Variants in SAP130 observed in about 807,000 individuals in gnomAD.
SAP130 encodes Sin3A associated protein 130.
In SAP130, 16 loss-of-function variants were observed where a neutral mutation model predicts 103.2. The observed-to-expected ratio is 0.16, with a 90% CI of 0.10 to 0.24. The LOEUF (loss-of-function observed/expected upper bound fraction) is 0.24, where lower values mean the gene tolerates loss of function less well. SAP130 is among the 10% of genes least tolerant of loss of function. The pLI is 1.00. For synonymous variants in SAP130, 477 were observed against 497.0 expected, an observed-to-expected ratio of 0.96 and a Z score of 0.53; for missense variants, 990 against 1,359.7, an observed-to-expected ratio of 0.73 and a Z score of 4.28.
intron 12 of SAP130, among the ~76,000 whole-genome samples, chr2:127,990,871 A>C (rs1284983867): frequency 6.7e-6 from 1 of 149,074 alleles, no homozygotes; most frequent in Non-Finnish European, 1.5e-5. Flanking sequence ...GAACTCAGGA[A>C]TTTGAGGAGG....
intron 11 of SAP130, among the ~76,000 whole-genome samples, 172 bp from the exon 12 acceptor site, chr2:127,993,480 T>TAAAAAA (rs369115205): frequency 7.1e-6 from 1 of 140,412 alleles, no homozygotes. Context: ...AATGCAAAAT[T>TAAAAAA]AAAAAAAAAA....
intron 18 of SAP130, among the ~76,000 whole-genome samples, chr2:127,947,764 C>CTGTGTGTGTGAGTG (rs147211610): frequency 0.11 from 16,219 of 143,086 alleles, 1,137 homozygotes; most frequent in Middle Eastern, 0.15. Context: ...TTGTGTGTGT[C>CTGTGTGTGTGAGTG]TGTGTGTGTG....
chr2:127,959,388 G>T (rs1289245119), intron 15 of SAP130, among the ~76,000 whole-genome samples: 1 of 152,202 alleles, frequency 6.6e-6, no homozygotes, highest in African/African-American at 2.4e-5. Flanking sequence ...AAACGTCACA[G>T]AAACAACTGC....
At position 127,986,719 on chromosome 2, in the gene SAP130, G is replaced by T; in HGVS notation, c.1958+66C>A. 1 of 1,451,608 alleles carries T rather than the reference G, an allele frequency of 6.9e-7. No individual in the cohort carries two copies. Among genetic ancestry groups the T allele is most frequent in the Non-Finnish European group, 9.5e-7 (1 of 1,051,582 alleles). 89.9% of individuals were successfully genotyped at this position (1,451,608 alleles called of 1,614,324 possible). Reference sequence around the variant, plus strand: ...TTTGATACCAGCATTAGATAAGAGTGCCTATTATGTATACCAGTTATATCC... The same window carrying T: ...TTTGATACCAGCATTAGATAAGAGTTCCTATTATGTATACCAGTTATATCC... On this transcript the variant is annotated intron_variant, in intron 14 of 20. Transcript: ENST00000643581. This position sits in a 1 kb window ranked among gnomAD's most constrained non-coding sequence, Gnocchi z 4.7.
At chr2:127,976,824 T>C (rs2917658) in intron 15 of SAP130, among the ~76,000 whole-genome samples, 125,559 of 152,178 alleles carry the variant, frequency 0.83, 52,349 homozygotes, top group Middle Eastern at 0.88. Flanking sequence ...GCAGGAGAAT[T>C]ACTTGAACCT....
At chr2:127,981,411 C>T (rs1380532444) in intron 14 of SAP130, among the ~76,000 whole-genome samples, 1 of 131,624 alleles carries the variant, frequency 7.6e-6, no homozygotes, top group Non-Finnish European at 1.6e-5. Context: ...ACTCAGCTCC[C>T]GCACTCCGAC....
intron 15 of SAP130, among the ~76,000 whole-genome samples, chr2:127,958,600 C>T (rs1308389223): frequency 6.6e-6 from 1 of 151,630 alleles, no homozygotes; most frequent in Non-Finnish European, 1.5e-5. Flanking sequence ...GTATGCCACA[C>T]ACTCTCTCTC....
chr2:128,018,313 C>CAAAAAAAAAAAAA (rs200188563), intron 2 of SAP130, among the ~76,000 whole-genome samples: 2 of 50,310 alleles, frequency 4.0e-5, no homozygotes, highest in Non-Finnish European at 8.5e-5. Context: ...ACTAAAAATA[C>CAAAAAAAAAAAAA]AAAAAAAAAA....
intron 11 of SAP130, among the ~76,000 whole-genome samples, chr2:127,995,352 G>A (rs78766057): frequency 0.011 from 1,697 of 152,292 alleles, 30 homozygotes; most frequent in African/African-American, 0.039. Flanking sequence ...GGCTAGAATA[G>A]AGGGGATGGG....
chr2:127,983,449 G>GT (rs1682103444), intron 14 of SAP130, among the ~76,000 whole-genome samples: 1 of 152,170 alleles, frequency 6.6e-6, no homozygotes, highest in South Asian at 2.1e-4. Flanking sequence ...TGGCAGTGAG[G>GT]CATGACAAGG....
chr2:127,991,592 A>G (rs1199373177), intron 12 of SAP130, among the ~76,000 whole-genome samples: 1 of 152,166 alleles, frequency 6.6e-6, no homozygotes, highest in Admixed American at 6.5e-5. Context: ...TCAGCCTCCC[A>G]AAGTGCTAGG....
In SAP130 at chr2:127,999,915, C is replaced by G. The variant is rs553868128; in HGVS notation, c.1109-70G>C. 458 of 1,434,810 alleles carry G rather than the reference C, an allele frequency of 3.2e-4. 2 individuals are homozygous for G. Among genetic ancestry groups the G allele is most frequent in the Admixed American group, 1.2e-3 (61 of 49,342 alleles). 88.9% of individuals were successfully genotyped at this position (1,434,810 alleles called of 1,614,324 possible). A position where few individuals can be genotyped will look rare whatever the true frequency, so the allele number is the denominator to read the frequency against. On this transcript the variant is annotated intron_variant, in intron 9 of 20. Transcript: ENST00000643581. ...GCACACGTTACAGATTCTCAAAAAC[C>G]TGGGAAATCTCCTGGAAAAAGTTAA...
intron 1 of SAP130, among the ~76,000 whole-genome samples, chr2:128,026,611 G>A (rs1685515927): frequency 6.6e-6 from 1 of 152,210 alleles, no homozygotes; most frequent in Admixed American, 6.5e-5. Context: ...CACAATGCAT[G>A]TGTATTTCTC....
intron 16 of SAP130, among the ~76,000 whole-genome samples, chr2:127,954,323 G>GTAA (rs2104753778): frequency 6.6e-6 from 1 of 152,204 alleles, no homozygotes; most frequent in East Asian, 1.9e-4. Flanking sequence ...GAAATAGCAG[G>GTAA]TAATACTGGG....
chr2:128,008,470 A>G lies in SAP130; in HGVS notation c.869+1799T>C, dbSNP rs372276710. 5.3e-5 allele frequency among the ~76,000 whole-genome samples: 8 copies of G among 150,768 alleles called. No homozygotes were observed. In the East Asian group the frequency reaches 1.6e-3, roughly 29 times the overall value. ...AATCTCAAACTCCTGTGGTCACATG[A>G]TCCTCCCACTTCCGTCTCCAAGTAC... On this transcript the variant is annotated intron_variant, in intron 7 of 20. Coordinates refer to ENST00000643581, the MANE Select transcript of SAP130 (RefSeq NM_001330301.2).
intron 7 of SAP130, 87 bp from the exon 8 acceptor site, chr2:128,000,541 T>TA: frequency 6.7e-7 from 1 of 1,495,608 alleles, no homozygotes. Context: ...TACTTTTTCA[T>TA]AGGTCTATGA....
At chr2:128,011,043 T>G (rs547023225) in intron 6 of SAP130, among the ~76,000 whole-genome samples, 66 of 151,998 alleles carry the variant, frequency 4.3e-4, no homozygotes, top group South Asian at 8.3e-4. Context: ...CTACTATTGG[T>G]ACCAATGGGA....
intron 11 of SAP130, among the ~76,000 whole-genome samples, chr2:127,995,129 T>G (rs376214803): frequency 2.6e-5 from 4 of 152,230 alleles, no homozygotes; most frequent in Non-Finnish European, 1.5e-5. Context: ...GATATCAGCA[T>G]GAACTCAAAT....
chr2:127,956,470 C>T (rs896295560), intron 15 of SAP130, among the ~76,000 whole-genome samples: 1 of 148,042 alleles, frequency 6.8e-6, no homozygotes, highest in Non-Finnish European at 1.5e-5. Flanking sequence ...TGCAGTCTTC[C>T]GCATGTTCTC....
Sources: gnomAD v4.1 joint callset for allele counts (sites outside exome capture counted in the v4.1 genomes callset) on GRCh38, gnomAD v4.1.1 for gene constraint, Gnocchi (gnomAD v3.1) non-coding constraint, MANE v1.5 for transcripts, NCBI Gene and HGNC (gene_info 2026-07-23, HGNC 2026-07-21) for gene names.